Variants in OR1B1 observed in about 807,000 individuals in gnomAD.
OR1B1 encodes the protein olfactory receptor family 1 subfamily B member 1, also known as olfactory receptor 1B1.
For missense variants in OR1B1, 414 were observed against 402.1 expected (o/e 1.03, Z -0.25); for synonymous variants, 168 against 156.2 (o/e 1.08, Z -0.57).
At chr9:122,643,114 C>CAACT in the OR1B1 span, among the ~76,000 whole-genome samples, 47,865 of 151,718 alleles carry the variant, frequency 0.32, 8,859 homozygotes, top group East Asian at 0.63. Context: ...CTAATTTTAA[C>CAACT]ATCTGCACAG....
chr9:122,629,106 C>A (rs1318569686), exon 1 of OR1B1: 1 of 1,614,112 alleles, frequency 6.2e-7, no homozygotes, highest in East Asian at 2.2e-5. Context: ...AGTAAGCAGG[C>A]ACACCGTTGG....
At chr9:122,640,378 C>T in the OR1B1 span, among the ~76,000 whole-genome samples, 1 of 152,118 alleles carries the variant, frequency 6.6e-6, no homozygotes, top group East Asian at 1.9e-4. Context: ...TCATGATCAA[C>T]TTAATGCTGA....
chr9:122,634,821 G>C, the OR1B1 span, among the ~76,000 whole-genome samples: 1 of 152,124 alleles, frequency 6.6e-6, no homozygotes, highest in South Asian at 2.1e-4. Flanking sequence ...AAATCACAAT[G>C]AGATAGCACC....
chr9:122,637,512 C>G, the OR1B1 span, among the ~76,000 whole-genome samples: 1 of 152,180 alleles, frequency 6.6e-6, no homozygotes. Flanking sequence ...AGCTCATGTA[C>G]CATCCTTGGG....
chr9:122,629,900 T>G (rs946887029), upstream of OR1B1, among the ~76,000 whole-genome samples: 2 of 152,222 alleles, frequency 1.3e-5, no homozygotes, highest in Non-Finnish European at 1.5e-5. Flanking sequence ...CTATATTCAC[T>G]GTCTCCAGTT....
chr9:122,634,428 T>C (rs551818677), upstream of OR1B1, among the ~76,000 whole-genome samples: 129 of 151,756 alleles, frequency 8.5e-4, no homozygotes, highest in African/African-American at 3.0e-3. Flanking sequence ...AGAGGTGTAA[T>C]TGACTCACAG....
At chr9:122,655,573 GCAAA>G in the OR1B1 span, among the ~76,000 whole-genome samples, 1 of 151,296 alleles carries the variant, frequency 6.6e-6, no homozygotes, top group South Asian at 2.1e-4. Flanking sequence ...GTGATCCTCA[GCAAA>G]CAAACACAGC....
chr9:122,629,214 C>T, exon 1 of OR1B1: 1 of 1,613,974 alleles, frequency 6.2e-7, no homozygotes, highest in Non-Finnish European at 8.5e-7. Context: ...ACCCCAAATG[C>T]ATAGAAGAAA....
the OR1B1 span, among the ~76,000 whole-genome samples, chr9:122,655,058 T>C: frequency 1.3e-5 from 2 of 152,316 alleles, no homozygotes; most frequent in East Asian, 3.9e-4. Flanking sequence ...AATTACACAA[T>C]TATTATTTGT....
chr9:122,650,614 A>C, the OR1B1 span, among the ~76,000 whole-genome samples: 2 of 152,044 alleles, frequency 1.3e-5, no homozygotes, highest in Non-Finnish European at 2.9e-5. Flanking sequence ...ATAACTGATA[A>C]AATTCCAGAG....
At chr9:122,639,533 T>G in the OR1B1 span, 6 of 152,170 alleles carry the variant, frequency 3.9e-5, no homozygotes, top group African/African-American at 1.2e-4. Flanking sequence ...AAGTGTATGT[T>G]TCTGTGCTTT....
chr9:122,650,043 T>C, the OR1B1 span, among the ~76,000 whole-genome samples: 1 of 150,630 alleles, frequency 6.6e-6, no homozygotes, highest in African/African-American at 2.5e-5. Flanking sequence ...GTGGCACATA[T>C]ACACCATGGA....
At position 122,629,244 on chromosome 9, in the gene OR1B1, G is replaced by C. The variant is rs140947515; in HGVS notation, c.292C>G (p.Arg98Gly). 8.4e-4 allele frequency: 1,363 copies of C among 1,614,036 alleles called. 3 individuals carry two copies. The highest frequency in any genetic ancestry group is 5.9e-3 in the Middle Eastern group (36 of 6,062). ...AAGAAAAAGAACTGAGCCAAGCAGC[G>C]GGCAGCAGGAATGGTTGGGTAATGA... Residue 98 changes from arginine (R) to glycine (G), a missense_variant, in exon 1 of 1, where the codon CGC (arginine) becomes GGC (glycine). Arg to Gly is a moderately radical substitution (Grantham distance 125). Transcript: ENST00000623530.
chr9:122,629,454 G>C (rs1346464864), exon 1 of OR1B1: 1 of 1,613,206 alleles, frequency 6.2e-7, no homozygotes, highest in Non-Finnish European at 8.5e-7. Context: ...AAGAAGAGGA[G>C]AGTGTAGGAG....
chr9:122,634,606 G>C, the OR1B1 span, among the ~76,000 whole-genome samples: 1 of 151,998 alleles, frequency 6.6e-6, no homozygotes, highest in East Asian at 1.9e-4. Flanking sequence ...GAACAGCATG[G>C]GGGAAACCAC....
At chr9:122,633,951 G>C (rs1229689795), upstream of OR1B1, among the ~76,000 whole-genome samples, 1 of 125,520 alleles carries the variant, frequency 8.0e-6, no homozygotes. Flanking sequence ...GGGTGGGGGG[G>C]TGCAAAAAGA....
At chr9:122,647,116 A>G in the OR1B1 span, among the ~76,000 whole-genome samples, 1 of 152,214 alleles carries the variant, frequency 6.6e-6, no homozygotes, top group African/African-American at 2.4e-5. Flanking sequence ...TTTACAAAAC[A>G]TTTCATCCAA....
upstream of OR1B1, among the ~76,000 whole-genome samples, chr9:122,631,927 A>G (rs1830208010): frequency 6.6e-6 from 1 of 152,228 alleles, no homozygotes; most frequent in Admixed American, 6.5e-5. Flanking sequence ...CCACATAAGA[A>G]GTGCATAATG....
chr9:122,628,682 G>A (rs1304066984), exon 1 of OR1B1: 15 of 1,613,204 alleles, frequency 9.3e-6, no homozygotes, highest in Admixed American at 1.7e-5. Flanking sequence ...TGTAATGGCA[G>A]TATACATTAC....
Sources: gnomAD v4.1 joint callset for allele counts (sites outside exome capture counted in the v4.1 genomes callset) on GRCh38, gnomAD v4.1.1 for gene constraint, MANE v1.5 for transcripts, NCBI Gene and HGNC (gene_info 2026-07-23, HGNC 2026-07-21) for gene names.